The following DTNA variants were observed in gnomAD, a reference collection of about 807,000 sequenced individuals.
The protein encoded by DTNA is dystrophin-related protein 3.
DTNA carries 43 observed loss-of-function variants against 100.7 expected under a neutral mutation model. The observed-to-expected ratio is 0.43, with a 90% CI of 0.33 to 0.55. The LOEUF is 0.55. Among genes scored for constraint, DTNA ranks in the 20% least tolerant of loss-of-function variants. DTNA has a pLI of 0.04. For synonymous variants in DTNA, 349 were observed against 347.9 expected, an observed-to-expected ratio of 1.00 and a Z score of -0.04; for missense variants, 798 against 953.9, an observed-to-expected ratio of 0.84 and a Z score of 2.15.
intron 17 of DTNA, among the ~76,000 whole-genome samples, chr18:34,869,946 G>A (rs528876982): frequency 2.6e-5 from 4 of 152,232 alleles, no homozygotes; most frequent in East Asian, 1.9e-4. Flanking sequence ...GCATGAACCC[G>A]GGAGGCGGAG....
At position 34,888,337 on chromosome 18, in the gene DTNA, G is replaced by C. The variant is rs1454438604; in HGVS notation, c.*603G>C. On this transcript the variant is annotated 3_prime_UTR_variant, in exon 23 of 23. Transcript: ENST00000444659. Reference sequence around the variant, plus strand: ...AATAACCCTGAAGAATTTGGTTCCTGAGTGTACAAACTCAGAGCCCGGAAG... The same window carrying C: ...AATAACCCTGAAGAATTTGGTTCCTCAGTGTACAAACTCAGAGCCCGGAAG... The C allele has an allele frequency of 1.0e-6, 1 of 985,770 alleles. No homozygotes were observed. Among genetic ancestry groups the C allele is most frequent in the Non-Finnish European group, 1.2e-6 (1 of 829,928 alleles). The allele number at this position is 985,770 out of a possible 1,614,324, so 61.1% of individuals were successfully genotyped here.
chr18:34,867,349 TGTGAAAAAA>T, intron 17 of DTNA: 1 of 1,230,172 alleles, frequency 8.1e-7, no homozygotes, highest in Non-Finnish European at 1.0e-6. Context: ...TTTTGTATTT[TGTGAAAAAA>T]ATTACTTTAC....
intron 1 of DTNA, among the ~76,000 whole-genome samples, chr18:34,551,642 A>G (rs1369418421): frequency 1.3e-5 from 2 of 152,144 alleles, no homozygotes; most frequent in Admixed American, 1.3e-4. Flanking sequence ...TCCAGCTTTC[A>G]GAGGATACTT....
At chr18:34,553,632 AG>A in intron 1 of DTNA, among the ~76,000 whole-genome samples, 1 of 152,116 alleles carries the variant, frequency 6.6e-6, no homozygotes. Context: ...TTTATTAAAT[AG>A]GGAATCCTTT....
At chr18:34,632,855 C>A (rs1027672813) in intron 1 of DTNA, among the ~76,000 whole-genome samples, 2 of 152,100 alleles carry the variant, frequency 1.3e-5, no homozygotes, top group African/African-American at 4.8e-5. Flanking sequence ...CTGCAATTAA[C>A]AACAATAATT....
chr18:34,562,636 A>T (rs1253035615), intron 1 of DTNA, among the ~76,000 whole-genome samples: 4 of 152,162 alleles, frequency 2.6e-5, no homozygotes, highest in Non-Finnish European at 4.4e-5. Context: ...CCTGATGATC[A>T]CTTAGGGCAG....
At chr18:34,737,368 T>C (rs1441885001) in intron 1 of DTNA, among the ~76,000 whole-genome samples, 3 of 152,242 alleles carry the variant, frequency 2.0e-5, no homozygotes, top group African/African-American at 4.8e-5. Context: ...ATAGTAATTA[T>C]TTCTTCTAAA....
intron 1 of DTNA, among the ~76,000 whole-genome samples, chr18:34,610,189 C>T (rs1264125300): frequency 6.6e-6 from 1 of 152,190 alleles, no homozygotes; most frequent in East Asian, 1.9e-4. Flanking sequence ...TTGTCCTATT[C>T]TTACAACCAA....
rs182178658 is a variant in DTNA at position 34,830,794 on chromosome 18, T to G, written c.1175+1305T>G. The stretch of plus-strand genomic sequence containing the variant: ...GACCGATTCACTTCATTCATTTTCT[T>G]GATTGTAAACTGTATCCCTAATCTA... On this transcript the variant is annotated intron_variant, in intron 11 of 22. Transcript: ENST00000444659. 5.9e-5 allele frequency among the ~76,000 whole-genome samples: 9 copies of G among 152,332 alleles called. No homozygotes were observed. In the East Asian group the frequency reaches 1.7e-3, roughly 29 times the overall value.
chr18:34,796,900 G>A (rs957421440), intron 4 of DTNA, among the ~76,000 whole-genome samples: 4 of 151,996 alleles, frequency 2.6e-5, no homozygotes, highest in South Asian at 2.1e-4. Context: ...ACTTACCTTC[G>A]CACAGCCATA....
chr18:34,701,195 A>G (rs1359510547), intron 1 of DTNA, among the ~76,000 whole-genome samples: 9 of 152,074 alleles, frequency 5.9e-5, no homozygotes, highest in Non-Finnish European at 1.5e-5. Context: ...TAAAAACACA[A>G]AAAGTTGTCT....
At chr18:34,836,450 C>G (rs552626853) in intron 11 of DTNA, among the ~76,000 whole-genome samples, 1 of 151,914 alleles carries the variant, frequency 6.6e-6, no homozygotes, top group Non-Finnish European at 1.5e-5. Flanking sequence ...GTCGGGAGTT[C>G]GAGACCAGCC....
intron 5 of DTNA, 47 bp from the exon 6 acceptor site, chr18:34,811,912 G>A (rs1220703963): frequency 3.7e-6 from 6 of 1,609,380 alleles, no homozygotes; most frequent in African/African-American, 1.3e-5. Flanking sequence ...AAAAACAGTG[G>A]AGAATGTTCA....
rs1599694904 is a variant in DTNA at position 34,657,226 on chromosome 18, G to A, written c.-1-98750G>A. The stretch of plus-strand genomic sequence containing the variant: ...CTTTTTAACCCCTACCATTTCTCCT[G>A]TCCATTGGAATCAGATAATGTAAGG... On this transcript the variant is annotated intron_variant, in intron 1 of 19. Coordinates refer to the DTNA transcript ENST00000283365. 3.3e-5 allele frequency among the ~76,000 whole-genome samples: 5 copies of A among 152,202 alleles called. No individual in the cohort carries two copies. The South Asian group carries it at 1.0e-3, about 32-fold the overall frequency.
At chr18:34,494,160 T>C (rs1191254931) in intron 1 of DTNA, 1 of 151,972 alleles carries the variant, frequency 6.6e-6, no homozygotes, top group Non-Finnish European at 1.5e-5. Context: ...GCTGCCCTCT[T>C]GGTCATCCTC....
At chr18:34,806,837 T>C (rs894311510) in intron 5 of DTNA, among the ~76,000 whole-genome samples, 2 of 152,234 alleles carry the variant, frequency 1.3e-5, no homozygotes, top group Non-Finnish European at 2.9e-5. Context: ...GTAGCTAAAG[T>C]ACATTGAGTA....
At chr18:34,749,639 C>CAAA (rs1232445254) in intron 1 of DTNA, among the ~76,000 whole-genome samples, 34 of 75,110 alleles carry the variant, frequency 4.5e-4, no homozygotes, top group Non-Finnish European at 7.3e-4. Context: ...CACCTCTCTC[C>CAAA]AAAAAATAAT....
chr18:34,621,271 A>G (rs998216149), intron 1 of DTNA, among the ~76,000 whole-genome samples: 7 of 150,416 alleles, frequency 4.7e-5, no homozygotes, highest in Non-Finnish European at 8.9e-5. Context: ...GTGTGTGTAT[A>G]TATATACACA....
At chr18:34,687,975 T>C (rs2079153665) in intron 1 of DTNA, among the ~76,000 whole-genome samples, 1 of 152,130 alleles carries the variant, frequency 6.6e-6, no homozygotes, top group African/African-American at 2.4e-5. Flanking sequence ...CTTTTTTTTT[T>C]CTTCTTTCTG....
Sources: allele counts gnomAD v4.1 joint callset (sites outside exome capture counted in the v4.1 genomes callset), GRCh38; gene constraint gnomAD v4.1.1; transcripts MANE v1.5; gene names NCBI Gene and HGNC (gene_info 2026-07-23, HGNC 2026-07-21).